Variants in C13orf42 observed in about 807,000 individuals in gnomAD.
The protein encoded by C13orf42 is uncharacterized protein C13orf42.
chr13:51,082,420 A>G lies in C13orf42; in HGVS notation c.*1731T>C, dbSNP rs993671065. On this transcript the variant is annotated 3_prime_UTR_variant, in exon 4 of 4. Transcript: ENST00000563710. ...AAATCAGGACTCCAAACATCCTCGC[A>G]GTCATGTTTATTTTTTCTTATCTTT... The G allele has an allele frequency of 1.3e-5, 2 of 152,236 alleles. No individual in the cohort carries two copies. The highest frequency in any genetic ancestry group is 2.9e-5 in the Non-Finnish European group (2 of 68,030). 9.4% of individuals were successfully genotyped at this position (152,236 alleles called of 1,614,324 possible). A position where few individuals can be genotyped will look rare whatever the true frequency, so the allele number is the denominator to read the frequency against.
intron 1 of C13orf42, among the ~76,000 whole-genome samples, chr13:51,149,981 A>G (rs1204621144): frequency 4.6e-5 from 7 of 152,248 alleles, no homozygotes; most frequent in Admixed American, 3.9e-4. Context: ...ACATCATCTT[A>G]GAACTTTGCA....
intron 1 of C13orf42, among the ~76,000 whole-genome samples, chr13:51,093,014 C>T (rs1953196873): frequency 1.3e-5 from 2 of 152,100 alleles, no homozygotes. Flanking sequence ...TTTTCAGCAA[C>T]ATTATCCACA....
At chr13:51,084,808 A>C (rs931824778) in intron 3 of C13orf42, among the ~76,000 whole-genome samples, 2 of 152,142 alleles carry the variant, frequency 1.3e-5, no homozygotes, top group African/African-American at 4.8e-5. Flanking sequence ...CTGGGGGAGG[A>C]GGATCTAAAA....
intron 1 of C13orf42, among the ~76,000 whole-genome samples, chr13:51,117,106 C>T (rs914804226): frequency 2.0e-5 from 3 of 152,234 alleles, no homozygotes; most frequent in Non-Finnish European, 4.4e-5. Flanking sequence ...TAGACTGCCA[C>T]ATTTCCTTAG....
Position 51,093,269 on chromosome 13 carries a change from T to A in C13orf42, c.415-5194A>T, listed in dbSNP as rs139759158. On this transcript the variant is annotated intron_variant, in intron 1 of 3. Transcript: ENST00000563710. ...TTCTCACATTCTGGATTTGACTGACTCCTTCTTCTGGGTATTGGTTCACAT... is the reference window on the plus strand; with the variant it reads ...TTCTCACATTCTGGATTTGACTGACACCTTCTTCTGGGTATTGGTTCACAT... Among the ~76,000 whole-genome samples the A allele has an allele frequency of 1.3e-4, 20 of 152,314 alleles. No individual in the cohort carries two copies. The East Asian group carries it at 2.7e-3, about 21-fold the overall frequency.
At chr13:51,109,916 T>C (rs1228471292) in intron 1 of C13orf42, among the ~76,000 whole-genome samples, 1 of 152,224 alleles carries the variant, frequency 6.6e-6, no homozygotes, top group African/African-American at 2.4e-5. Flanking sequence ...ACTGGCTTTA[T>C]TGTGACGCTC....
chr13:51,131,011 C>T (rs1405443676), intron 1 of C13orf42, among the ~76,000 whole-genome samples: 1 of 152,072 alleles, frequency 6.6e-6, no homozygotes, highest in African/African-American at 2.4e-5. Flanking sequence ...AAAGAGATTC[C>T]ATGTGCCAAC....
intron 1 of C13orf42, among the ~76,000 whole-genome samples, chr13:51,098,304 C>T (rs1953256117): frequency 6.6e-6 from 1 of 151,916 alleles, no homozygotes; most frequent in African/African-American, 2.4e-5. Flanking sequence ...TTGTAAACAG[C>T]AACATTGTGT....
At chr13:51,135,653 A>AAAAAAAAAAAG (rs1491420106) in intron 1 of C13orf42, among the ~76,000 whole-genome samples, 1 of 89,320 alleles carries the variant, frequency 1.1e-5, no homozygotes, top group Admixed American at 9.1e-5. Context: ...ACCCTGTCCC[A>AAAAAAAAAAAG]AAAAAAAAAA....
In C13orf42 at chr13:51,161,510, C is replaced by T. The variant is rs140548650; in HGVS notation, n.136+10743G>A. On this transcript the variant is annotated intron_variant and non_coding_transcript_variant, in intron 1 of 4. Coordinates refer to the C13orf42 transcript ENST00000433280. ...CCTCTCCCACCTCTTCTATCAGGCT[C>T]TTACACTCGAGGCCAATATTCCCTT... Among the ~76,000 whole-genome samples, 327 of 152,264 alleles carry T rather than the reference C, an allele frequency of 2.1e-3. 2 individuals carry two copies. Among genetic ancestry groups the T allele is most frequent in the African/African-American group, 7.5e-3 (313 of 41,546 alleles).
At position 51,131,355 on chromosome 13, in the gene C13orf42, G is replaced by T. The variant is rs146880904; in HGVS notation, n.137-18133C>A. Among the ~76,000 whole-genome samples the T allele has an allele frequency of 4.4e-4, 67 of 152,334 alleles. No individual in the cohort carries two copies. In the East Asian group the frequency reaches 0.012, roughly 26 times the overall value. On this transcript the variant is annotated intron_variant and non_coding_transcript_variant, in intron 1 of 4. Transcript: ENST00000433280. ...TTTTACCAAGGCTTTGACTGGAATG[G>T]TGTGTTTTCCTTTAAGGAATTAAAC...
chr13:51,101,308 G>A (rs972385660), intron 1 of C13orf42, among the ~76,000 whole-genome samples: 7 of 152,186 alleles, frequency 4.6e-5, no homozygotes, highest in African/African-American at 1.7e-4. Context: ...TATCTAGATG[G>A]TAGGATTCTA....
At chr13:51,102,162 G>C (rs963013723) in intron 1 of C13orf42, among the ~76,000 whole-genome samples, 10 of 152,152 alleles carry the variant, frequency 6.6e-5, no homozygotes, top group Admixed American at 6.5e-4. Context: ...CTGGCCAAGT[G>C]ATACAGACAG....
rs527243057 is a variant in C13orf42 at position 51,100,269 on chromosome 13, G to A, written c.414+10527C>T. On this transcript the variant is annotated intron_variant, in intron 1 of 3. Transcript: ENST00000563710. ...AGGACTTTCTAAGCATGAAAGCAAC[G>A]GAAGAAATTACAGACAAAAATTGAA... 9.2e-5 allele frequency among the ~76,000 whole-genome samples: 14 copies of A among 152,080 alleles called. No homozygotes were observed. In the South Asian group the frequency reaches 1.0e-3, roughly 11 times the overall value.
chr13:51,122,972 T>C (rs1380740340), intron 1 of C13orf42, among the ~76,000 whole-genome samples: 1 of 152,208 alleles, frequency 6.6e-6, no homozygotes, highest in Non-Finnish European at 1.5e-5. Context: ...AAAGGAGATG[T>C]TCTGATAGCA....
chr13:51,168,275 T>C (rs1230181640), intron 1 of C13orf42, among the ~76,000 whole-genome samples: 46 of 152,210 alleles, frequency 3.0e-4, no homozygotes, highest in Admixed American at 2.9e-3. Context: ...GTCAGTTGCA[T>C]AAATCGGAGG....
chr13:51,166,525 A>G (rs1953903093), intron 1 of C13orf42, among the ~76,000 whole-genome samples: 1 of 148,236 alleles, frequency 6.7e-6, no homozygotes, highest in African/African-American at 2.5e-5. Context: ...GCACACCAGC[A>G]TGGCACATGT....
At chr13:51,123,313 T>G (rs1208088385) in intron 1 of C13orf42, among the ~76,000 whole-genome samples, 1 of 152,228 alleles carries the variant, frequency 6.6e-6, no homozygotes, top group East Asian at 1.9e-4. Context: ...GGGCTCTGCT[T>G]AGCCTCTTGG....
At chr13:51,170,768 C>T (rs1953942832) in intron 1 of C13orf42, among the ~76,000 whole-genome samples, 1 of 151,908 alleles carries the variant, frequency 6.6e-6, no homozygotes, top group Admixed American at 6.6e-5. Context: ...TCACCCTTAG[C>T]GGCAAGTCCC....
Sources: allele counts gnomAD v4.1 joint callset (sites outside exome capture counted in the v4.1 genomes callset), GRCh38; gene constraint gnomAD v4.1.1; transcripts MANE v1.5; gene names NCBI Gene and HGNC (gene_info 2026-07-23, HGNC 2026-07-21).